The following FRMD5 variants were observed in gnomAD, a reference collection of about 807,000 sequenced individuals.
FRMD5 encodes the protein FERM domain-containing protein 5.
In FRMD5, 20 loss-of-function variants were observed where a neutral mutation model predicts 69.0. The observed-to-expected ratio is 0.29, with a 90% CI of 0.20 to 0.42. The LOEUF is 0.42. FRMD5 is among the 10% of genes least tolerant of loss of function. FRMD5 has a pLI of 1.00. For missense variants in FRMD5, 595 were observed against 708.6 expected (o/e 0.84, Z 1.82); for synonymous variants, 271 against 260.1 (o/e 1.04, Z -0.40).
chr15:43,910,532 C>T (rs1330957730), intron 4 of FRMD5, among the ~76,000 whole-genome samples: 2 of 139,824 alleles, frequency 1.4e-5, no homozygotes, highest in Non-Finnish European at 3.0e-5. Context: ...CGAGATTGTG[C>T]TACTGCACTC....
chr15:44,001,282 GTC>G (rs1890199738), intron 1 of FRMD5, among the ~76,000 whole-genome samples: 1 of 152,054 alleles, frequency 6.6e-6, no homozygotes, highest in South Asian at 2.1e-4. Context: ...AGTTGTATGA[GTC>G]TCATATATTT....
intron 1 of FRMD5, among the ~76,000 whole-genome samples, chr15:43,960,659 C>T (rs978068324): frequency 6.6e-6 from 1 of 152,212 alleles, no homozygotes; most frequent in Admixed American, 6.5e-5. Flanking sequence ...GCTGGGATTA[C>T]AGGCGTGAGC....
chr15:44,013,424 A>C (rs145701614), intron 1 of FRMD5, among the ~76,000 whole-genome samples: 186 of 152,288 alleles, frequency 1.2e-3, no homozygotes, highest in South Asian at 3.7e-3. Context: ...TGATTCAATG[A>C]TATTAATAAT....
intron 1 of FRMD5, among the ~76,000 whole-genome samples, chr15:44,075,992 G>A (rs1300383768): frequency 1.3e-5 from 2 of 151,940 alleles, no homozygotes; most frequent in African/African-American, 2.4e-5. Context: ...CGTGTCCTTC[G>A]CCCACTTTTT....
chr15:43,908,978 C>T (rs1041011550), intron 5 of FRMD5, among the ~76,000 whole-genome samples: 4 of 152,108 alleles, frequency 2.6e-5, no homozygotes, highest in African/African-American at 9.7e-5. Context: ...CTTTATCAAC[C>T]AGGGGCCCAG....
At chr15:44,005,846 T>G (rs1250570740) in intron 1 of FRMD5, among the ~76,000 whole-genome samples, 1 of 152,142 alleles carries the variant, frequency 6.6e-6, no homozygotes, top group Non-Finnish European at 1.5e-5. Context: ...TCTTTCAACA[T>G]GAGATCTGGG....
chr15:44,012,302 C>T (rs1256186724), intron 1 of FRMD5, among the ~76,000 whole-genome samples: 3 of 152,200 alleles, frequency 2.0e-5, no homozygotes, highest in East Asian at 1.9e-4. Flanking sequence ...TCCTGACTAT[C>T]ACAGAGACTC....
chr15:43,970,155 G>A (rs2140572869), intron 1 of FRMD5, among the ~76,000 whole-genome samples: 1 of 152,340 alleles, frequency 6.6e-6, no homozygotes, highest in African/African-American at 2.4e-5. Flanking sequence ...ACTAGAACCA[G>A]GTGGAAGTTT....
intron 1 of FRMD5, chr15:43,989,583 T>G (rs916877178): frequency 4.7e-6 from 4 of 856,632 alleles, no homozygotes; most frequent in Non-Finnish European, 8.1e-6. Flanking sequence ...GCTGTGGCGG[T>G]GAAGATGTAG....
chr15:44,019,736 TCAAAAAA>T, intron 1 of FRMD5, among the ~76,000 whole-genome samples: 1 of 29,024 alleles, frequency 3.4e-5, no homozygotes. Flanking sequence ...AGAGTCTGTC[TCAAAAAA>T]AAAAAAAAAA....
chr15:43,885,775 A>T lies in FRMD5; in HGVS notation c.885-20T>A. On this transcript the variant is annotated intron_variant, in intron 10 of 13. Coordinates refer to ENST00000417257, the MANE Select transcript of FRMD5 (RefSeq NM_032892.5). ...TCCAGCCTGTAGCAAGGCAAAGTCC[A>T]GTGTGATAGACAGCCTGAACTGCCT... 1 of 1,605,816 alleles carries T rather than the reference A, an allele frequency of 6.2e-7. No individual in the cohort carries two copies. Among genetic ancestry groups the T allele is most frequent in the Non-Finnish European group, 8.5e-7 (1 of 1,172,312 alleles).
chr15:44,058,251 C>G (rs1159446259), intron 1 of FRMD5, among the ~76,000 whole-genome samples: 1 of 152,140 alleles, frequency 6.6e-6, no homozygotes, highest in East Asian at 1.9e-4. Flanking sequence ...CAAAAGACCA[C>G]ACATGGTAGG....
chr15:44,098,131 A>AAAC (rs1043260304), intron 1 of FRMD5, among the ~76,000 whole-genome samples: 4 of 151,916 alleles, frequency 2.6e-5, no homozygotes, highest in Admixed American at 6.6e-5. Flanking sequence ...AAAAAAAACT[A>AAAC]AACAACAACA....
At chr15:44,051,103 A>G (rs1892642230) in intron 1 of FRMD5, among the ~76,000 whole-genome samples, 1 of 129,492 alleles carries the variant, frequency 7.7e-6, no homozygotes, top group Non-Finnish European at 1.6e-5. Flanking sequence ...AACTCTTTTC[A>G]TCTTTCACCT....
At chr15:43,996,944 G>A (rs907506332) in intron 1 of FRMD5, among the ~76,000 whole-genome samples, 2 of 151,898 alleles carry the variant, frequency 1.3e-5, no homozygotes, top group African/African-American at 4.8e-5. Context: ...AGAATCATGT[G>A]GGGGGCTTTT....
At chr15:43,927,268 G>A (rs532278348) in intron 1 of FRMD5, among the ~76,000 whole-genome samples, 41 of 152,304 alleles carry the variant, frequency 2.7e-4, no homozygotes, top group African/African-American at 8.9e-4. Flanking sequence ...TCTCACTGGC[G>A]TTTGGGGACC....
chr15:44,094,682 A>C (rs987264736), intron 1 of FRMD5, among the ~76,000 whole-genome samples: 2 of 152,166 alleles, frequency 1.3e-5, no homozygotes, highest in African/African-American at 4.8e-5. Context: ...TCATAATGTA[A>C]ACCCAAAGCC....
intron 5 of FRMD5, among the ~76,000 whole-genome samples, chr15:43,908,906 G>C (rs1347638744): frequency 6.6e-6 from 1 of 152,138 alleles, no homozygotes; most frequent in African/African-American, 2.4e-5. Flanking sequence ...TTCATATCTT[G>C]GAGATTTGCC....
rs547672655 is a variant in FRMD5 at position 44,140,074 on chromosome 15, T to C, written c.102+54879A>G. Among the ~76,000 whole-genome samples, 337 of 152,136 alleles carry C rather than the reference T, an allele frequency of 2.2e-3. 1 individual carries two copies. Among genetic ancestry groups the C allele is most frequent in the Non-Finnish European group, 3.0e-3 (203 of 67,982 alleles). ...GTCTATGTATATATCCACATACATA[T>C]ATGTGTGTATACATATATACACACA... is the stretch of plus-strand genomic sequence containing the variant. On this transcript the variant is annotated intron_variant, in intron 1 of 13. Transcript: ENST00000417257.
Sources: allele counts gnomAD v4.1 joint callset (sites outside exome capture counted in the v4.1 genomes callset), GRCh38; gene constraint gnomAD v4.1.1; transcripts MANE v1.5; gene names NCBI Gene and HGNC (gene_info 2026-07-23, HGNC 2026-07-21).